Variants in ZNF469 observed in about 807,000 individuals in gnomAD.
The protein encoded by ZNF469 is zinc finger protein 469.
Under a neutral mutation model 1.0 loss-of-function variants are expected in ZNF469, and 1 was observed. That is an observed-to-expected ratio of 1.00 (90% CI 0.35 to 4.73). The LOEUF (loss-of-function observed/expected upper bound fraction) is 4.73, where lower values mean the gene tolerates loss of function less well. Among genes scored for constraint, ZNF469 ranks in the 30% most tolerant of loss-of-function variants. ZNF469 has a pLI of 0.16. For synonymous variants in ZNF469, 2,703 were observed against 2,363.4 expected (o/e 1.14, Z -4.17); for missense variants, 6,100 against 5,356.3 (o/e 1.14, Z -4.33).
the ZNF469 span, among the ~76,000 whole-genome samples, chr16:88,134,593 C>T: frequency 6.6e-6 from 1 of 152,214 alleles, no homozygotes; most frequent in African/African-American, 2.4e-5. Context: ...AGAATAAGCA[C>T]ATTTAAAAGC....
At position 88,383,220 on chromosome 16, in the gene ZNF469, C is replaced by T. The variant is rs2092530001; in HGVS notation, c.-226C>T. 6.8e-6 allele frequency among the ~76,000 whole-genome samples: 1 copy of T among 147,394 alleles called. No individual in the cohort carries two copies. The highest frequency in any genetic ancestry group is 1.5e-5 in the Non-Finnish European group (1 of 66,156). ...CGGGCCGGGAGCTCGTTGGCGGCGG[C>T]CGGCGTGGCGGGCGGAGCGGGCCTC... On this transcript the variant is annotated 5_prime_UTR_variant, in exon 1 of 3. Transcript: ENST00000565624.
chr16:88,193,108 G>GTGATGGTGA, the ZNF469 span, among the ~76,000 whole-genome samples: 3 of 14,862 alleles, frequency 2.0e-4, no homozygotes, highest in Non-Finnish European at 2.8e-4. Context: ...GTTGATGGTG[G>GTGATGGTGA]TGGTGGTGAT....
intron 1 of ZNF469, among the ~76,000 whole-genome samples, chr16:88,405,025 G>C (rs1875242): frequency 0.95 from 144,013 of 152,230 alleles, 68,631 homozygotes; most frequent in East Asian, 1. Flanking sequence ...CAGTCTAACA[G>C]GGCGGGGAGG....
At chr16:88,107,223 A>G in the ZNF469 span, among the ~76,000 whole-genome samples, 2 of 152,234 alleles carry the variant, frequency 1.3e-5, no homozygotes, top group Non-Finnish European at 2.9e-5. Flanking sequence ...TCACACTGCT[A>G]TAAAGAACTG....
chr16:88,369,206 T>TC, the ZNF469 span, among the ~76,000 whole-genome samples: 2 of 152,094 alleles, frequency 1.3e-5, no homozygotes, highest in Non-Finnish European at 2.9e-5. Context: ...AGCCATGGAT[T>TC]CCCCTCGCCA....
At chr16:88,269,543 G>A in the ZNF469 span, among the ~76,000 whole-genome samples, 4 of 151,866 alleles carry the variant, frequency 2.6e-5, no homozygotes, top group Non-Finnish European at 4.4e-5. Context: ...CCAAACACAC[G>A]GACCTCTTAA....
chr16:88,141,378 G>A, the ZNF469 span, among the ~76,000 whole-genome samples: 1,033 of 151,698 alleles, frequency 6.8e-3, 12 homozygotes, highest in Non-Finnish European at 0.011. Flanking sequence ...AGGTACCCCC[G>A]TCCTGGTCCC....
chr16:88,215,711 A>T, the ZNF469 span, among the ~76,000 whole-genome samples: 5 of 150,936 alleles, frequency 3.3e-5, no homozygotes, highest in South Asian at 6.3e-4. Context: ...TTAAATCAAT[A>T]AAAAAAAATT....
At chr16:88,181,718 C>T in the ZNF469 span, among the ~76,000 whole-genome samples, 3 of 152,106 alleles carry the variant, frequency 2.0e-5, no homozygotes, top group African/African-American at 7.2e-5. Flanking sequence ...GTTCTCCAAT[C>T]AGTAATCTAA....
At position 88,385,029 on chromosome 16, in the gene ZNF469, T is replaced by G. The variant is rs551672728; in HGVS notation, c.-192+1775T>G. 3.3e-5 allele frequency among the ~76,000 whole-genome samples: 5 copies of G among 152,220 alleles called. No homozygotes were observed. The East Asian group carries it at 9.7e-4, about 29-fold the overall frequency. On this transcript the variant is annotated intron_variant, in intron 1 of 2. Coordinates refer to ENST00000565624, the MANE Select transcript of ZNF469 (RefSeq NM_001367624.2). Reference sequence around the variant, plus strand: ...TTACACATGGCTGCCTTTGGATAATTTTAATAGGGATGGTCTCCCCCTGTA... The same window carrying G: ...TTACACATGGCTGCCTTTGGATAATGTTAATAGGGATGGTCTCCCCCTGTA...
chr16:88,292,523 G>T, the ZNF469 span, among the ~76,000 whole-genome samples: 1 of 152,172 alleles, frequency 6.6e-6, no homozygotes, highest in Admixed American at 6.5e-5. Flanking sequence ...AAGCATTGTG[G>T]TGACATGTGT....
chr16:88,212,441 G>C, the ZNF469 span, among the ~76,000 whole-genome samples: 1 of 151,788 alleles, frequency 6.6e-6, no homozygotes. Context: ...TTGATTTTCT[G>C]CTCTTCTTCA....
chr16:88,143,482 C>A, the ZNF469 span, among the ~76,000 whole-genome samples: 299 of 152,180 alleles, frequency 2.0e-3, 5 homozygotes, highest in African/African-American at 7.0e-3. Flanking sequence ...CCCTAAGACG[C>A]AACCACCAGC....
the ZNF469 span, among the ~76,000 whole-genome samples, chr16:88,180,543 G>A: frequency 7.2e-5 from 11 of 152,124 alleles, no homozygotes; most frequent in South Asian, 2.1e-4. Context: ...AGGCCGAGGC[G>A]GGTGGATCAC....
At chr16:88,366,817 C>A in the ZNF469 span, among the ~76,000 whole-genome samples, 8 of 151,822 alleles carry the variant, frequency 5.3e-5, no homozygotes, top group East Asian at 1.3e-3. Context: ...GTCATCACCA[C>A]CACCATCNCC....
At chr16:88,216,048 T>G in the ZNF469 span, among the ~76,000 whole-genome samples, 1 of 152,206 alleles carries the variant, frequency 6.6e-6, no homozygotes, top group Non-Finnish European at 1.5e-5. Flanking sequence ...CTAAGAACTC[T>G]CTTCCATATT....
At chr16:88,414,012 G>A (rs1356680663) in intron 1 of ZNF469, among the ~76,000 whole-genome samples, 1 of 152,168 alleles carries the variant, frequency 6.6e-6, no homozygotes, top group African/African-American at 2.4e-5. Context: ...AGACCATGCG[G>A]TGGAGCCGTC....
At chr16:88,127,471 T>C in the ZNF469 span, among the ~76,000 whole-genome samples, 7 of 152,218 alleles carry the variant, frequency 4.6e-5, no homozygotes, top group African/African-American at 7.2e-5. Flanking sequence ...AGTAGTAATA[T>C]CAAGTTTGAT....
chr16:88,216,509 A>T, the ZNF469 span, among the ~76,000 whole-genome samples: 24 of 148,732 alleles, frequency 1.6e-4, no homozygotes, highest in African/African-American at 5.7e-4. Context: ...AAAAAAAAAA[A>T]GATATTATTC....
Sources: allele counts gnomAD v4.1 joint callset (sites outside exome capture counted in the v4.1 genomes callset), GRCh38; gene constraint gnomAD v4.1.1; transcripts MANE v1.5; gene names NCBI Gene and HGNC (gene_info 2026-07-23, HGNC 2026-07-21).